The following LHFPL3 variants were observed in gnomAD, a reference collection of about 807,000 sequenced individuals.
The protein encoded by LHFPL3 is LHFPL tetraspan subfamily member 3.
LHFPL3 carries 5 observed loss-of-function variants against 19.3 expected under a neutral mutation model. The observed-to-expected ratio is 0.26, with a 90% CI of 0.14 to 0.54. The LOEUF is 0.54. LHFPL3 is among the 20% of genes least tolerant of loss of function. The probability of loss-of-function intolerance (pLI) is 0.94; values close to 1 mark genes in which losing one functional copy is unlikely to be tolerated. For synonymous variants in LHFPL3, 133 were observed against 126.2 expected (o/e 1.05, Z -0.36); for missense variants, 249 against 307.4 (o/e 0.81, Z 1.42).
chr7:104,401,043 A>T (rs1009611337), intron 1 of LHFPL3, among the ~76,000 whole-genome samples: 2 of 152,226 alleles, frequency 1.3e-5, no homozygotes, highest in African/African-American at 4.8e-5. Context: ...GCTATAAGGA[A>T]TGGCCTAAGA....
intron 1 of LHFPL3, among the ~76,000 whole-genome samples, chr7:104,420,109 T>C (rs1190697100): frequency 2.0e-5 from 3 of 152,176 alleles, no homozygotes; most frequent in Non-Finnish European, 2.9e-5. Context: ...CCCACCTGCC[T>C]AGATTGGCCA....
chr7:104,705,287 T>C (rs1467063159), intron 1 of LHFPL3, among the ~76,000 whole-genome samples: 2 of 152,242 alleles, frequency 1.3e-5, no homozygotes, highest in Admixed American at 1.3e-4. Flanking sequence ...AATATTTACA[T>C]TTTAAGTCTC....
intron 1 of LHFPL3, among the ~76,000 whole-genome samples, chr7:104,606,727 G>A (rs145752880): frequency 8.5e-5 from 13 of 152,298 alleles, no homozygotes; most frequent in African/African-American, 3.1e-4. Flanking sequence ...GAGAACTGGA[G>A]TTATCACTCA....
At chr7:104,631,320 A>G (rs942032541) in intron 1 of LHFPL3, among the ~76,000 whole-genome samples, 1 of 152,004 alleles carries the variant, frequency 6.6e-6, no homozygotes, top group Non-Finnish European at 1.5e-5. Context: ...CATATTCACT[A>G]TGCTTTTTAA....
intron 1 of LHFPL3, among the ~76,000 whole-genome samples, chr7:104,531,804 A>ACCTCATTCCACCAAGAATGAGGTGGAG (rs1194760955): frequency 1.3e-5 from 2 of 152,072 alleles, no homozygotes; most frequent in Non-Finnish European, 2.9e-5. Context: ...GTGGGTTATA[A>ACCTCATTCCACCAAGAATGAGGTGGAG]CCTCATTCTT....
Position 104,508,185 on chromosome 7 carries a change from G to A in LHFPL3, c.445+178961G>A, listed in dbSNP as rs10261966. ...GTATGTTTATTGCGGCATTATTCAC[G>A]ATCGCAAACACTTGGAACCAACCCA... is the stretch of plus-strand genomic sequence containing the variant. On this transcript the variant is annotated intron_variant, in intron 1 of 2. Coordinates refer to ENST00000424859, the MANE Select transcript of LHFPL3 (RefSeq NM_199000.3). Among the ~76,000 whole-genome samples, 651 of 151,974 alleles carry A rather than the reference G, an allele frequency of 4.3e-3. 15 individuals are homozygous for A. Among genetic ancestry groups the A allele is most frequent in the Admixed American group, 0.038 (587 of 15,252 alleles).
intron 1 of LHFPL3, among the ~76,000 whole-genome samples, chr7:104,528,614 T>A (rs1277300578): frequency 6.6e-6 from 1 of 152,144 alleles, no homozygotes; most frequent in African/African-American, 2.4e-5. Flanking sequence ...TTATAATATA[T>A]AATTAAGGCT....
At chr7:104,331,360 G>A (rs921400905) in intron 1 of LHFPL3, among the ~76,000 whole-genome samples, 18 of 152,188 alleles carry the variant, frequency 1.2e-4, no homozygotes, top group African/African-American at 4.1e-4. Context: ...GAGAAGTCCG[G>A]ATCCTTAAGT....
intron 1 of LHFPL3, among the ~76,000 whole-genome samples, chr7:104,351,451 A>G (rs1178333285): frequency 1.3e-5 from 2 of 152,200 alleles, no homozygotes; most frequent in African/African-American, 2.4e-5. Context: ...TTGCAGGATC[A>G]TATTGTTTGA....
intron 1 of LHFPL3, among the ~76,000 whole-genome samples, chr7:104,719,208 TAAG>T (rs950677819): frequency 9.2e-5 from 14 of 152,262 alleles, no homozygotes; most frequent in East Asian, 3.9e-4. Flanking sequence ...TCTTTATTTA[TAAG>T]AAGGAGAAAT....
At position 104,736,776 on chromosome 7, in the gene LHFPL3, G is replaced by C. The variant is rs753791175; in HGVS notation, c.547G>C (p.Ala183Pro). The change falls in exon 2 of 3, where the codon GCT (alanine) becomes CCT (proline). Residue 183 changes from alanine to proline, a missense_variant. Physicochemically the swap from Ala to Pro is conservative, Grantham distance 27 (BLOSUM62 -1). Coordinates refer to ENST00000424859, the MANE Select transcript of LHFPL3 (RefSeq NM_199000.3). Reference sequence around the variant, plus strand: ...AAAGACAGACAAGTACACTCTTGGGGCTTGCTCAGTCCGCTGGGCATACAT... The same window carrying C: ...AAAGACAGACAAGTACACTCTTGGGCCTTGCTCAGTCCGCTGGGCATACAT... ...GEKTDKYTLG[A>P]CSVRWAYILA... 6.8e-6 allele frequency: 11 copies of C among 1,613,558 alleles called. No homozygotes were observed. Among genetic ancestry groups the C allele is most frequent in the Non-Finnish European group, 9.3e-6 (11 of 1,179,818 alleles).
chr7:104,418,896 C>A (rs1000544648), intron 1 of LHFPL3, among the ~76,000 whole-genome samples: 1 of 152,212 alleles, frequency 6.6e-6, no homozygotes. Flanking sequence ...GCTAAGCCTG[C>A]ACTGCACATG....
chr7:104,711,403 T>C (rs1793298049), intron 1 of LHFPL3, among the ~76,000 whole-genome samples: 1 of 152,192 alleles, frequency 6.6e-6, no homozygotes, highest in African/African-American at 2.4e-5. Flanking sequence ...AAGTAATTAG[T>C]GATACAGAAT....
At chr7:104,512,606 G>A (rs1434306755) in intron 1 of LHFPL3, among the ~76,000 whole-genome samples, 1 of 152,028 alleles carries the variant, frequency 6.6e-6, no homozygotes, top group Non-Finnish European at 1.5e-5. Flanking sequence ...CGTGGTGACA[G>A]AAGCTTATAA....
chr7:104,829,280 A>G (rs1218889140), intron 2 of LHFPL3, among the ~76,000 whole-genome samples: 4 of 151,838 alleles, frequency 2.6e-5, no homozygotes, highest in African/African-American at 7.3e-5. Context: ...GAAAAAAAGT[A>G]AAAGGACCCA....
intron 1 of LHFPL3, among the ~76,000 whole-genome samples, chr7:104,666,723 G>A (rs939859740): frequency 3.3e-5 from 5 of 150,544 alleles, no homozygotes; most frequent in African/African-American, 4.9e-5. Context: ...GGGTTTCACC[G>A]TTTTTAGCCG....
rs59524599 is a variant in LHFPL3 at position 104,547,242 on chromosome 7, CAAAAAAAAA to C, written c.446-189413_446-189405del. Among the ~76,000 whole-genome samples, 8 of 9,638 alleles carry C rather than the reference CAAAAAAAAA, an allele frequency of 8.3e-4. No homozygotes were observed. In the East Asian group the frequency reaches 9.9e-3, roughly 12 times the overall value. The allele number at this position is 9,638 out of a possible 152,430, so 6.3% of individuals were successfully genotyped here. A position where few individuals can be genotyped will look rare whatever the true frequency, so the allele number is the denominator to read the frequency against. ...TGGGCGACAGAGCGAGACTCCGTCT[CAAAAAAAAA>C]AAAAAAAAAAAAAAAAAAAGAAATA... On this transcript the variant is annotated intron_variant, in intron 1 of 2. Coordinates refer to ENST00000424859, the MANE Select transcript of LHFPL3 (RefSeq NM_199000.3).
chr7:104,617,093 C>T (rs576364344), intron 1 of LHFPL3, among the ~76,000 whole-genome samples: 4 of 152,120 alleles, frequency 2.6e-5, no homozygotes, highest in African/African-American at 7.2e-5. Context: ...GACAGTGCGG[C>T]GATTCCTCAA....
At chr7:104,813,614 G>T (rs1432942441) in intron 2 of LHFPL3, among the ~76,000 whole-genome samples, 1 of 152,186 alleles carries the variant, frequency 6.6e-6, no homozygotes, top group Non-Finnish European at 1.5e-5. Context: ...TGAGTGTAGG[G>T]TCCAGCCACT....
Sources: allele counts gnomAD v4.1 joint callset (sites outside exome capture counted in the v4.1 genomes callset), GRCh38; gene constraint gnomAD v4.1.1; transcripts MANE v1.5; gene names NCBI Gene and HGNC (gene_info 2026-07-23, HGNC 2026-07-21).